The following LRRC37B variants were observed in gnomAD, a reference collection of about 807,000 sequenced individuals.
LRRC37B encodes the protein leucine-rich repeat-containing protein 37B.
LRRC37B carries 28 observed loss-of-function variants against 98.3 expected under a neutral mutation model. The observed-to-expected ratio is 0.28, with a 90% CI of 0.21 to 0.39. The LOEUF is 0.39. Among genes scored for constraint, LRRC37B ranks in the 10% least tolerant of loss-of-function variants. The pLI is 1.00. For missense variants in LRRC37B, 938 were observed against 1,182.7 expected, an observed-to-expected ratio of 0.79 and a Z score of 3.03; for synonymous variants, 364 against 442.7, an observed-to-expected ratio of 0.82 and a Z score of 2.23.
intron 5 of LRRC37B, chr17:32,034,077 G>A (rs2142250591): frequency 6.6e-6 from 1 of 152,292 alleles, no homozygotes; most frequent in South Asian, 2.1e-4. Context: ...TATGTGATGG[G>A]AGTATGGTTT....
At chr17:32,042,860 A>G (rs775559833) in intron 7 of LRRC37B, 1 of 152,148 alleles carries the variant, frequency 6.6e-6, no homozygotes, top group Non-Finnish European at 1.5e-5. Context: ...TCATGAACAC[A>G]AAATGCAATG....
intron 1 of LRRC37B, among the ~76,000 whole-genome samples, chr17:32,008,886 A>G (rs940588359): frequency 4.6e-5 from 7 of 152,362 alleles, no homozygotes; most frequent in African/African-American, 1.7e-4. Context: ...TTTGGCAGCT[A>G]TGAATAAAGC....
intron 1 of LRRC37B, among the ~76,000 whole-genome samples, chr17:32,024,134 G>T (rs1910879348): frequency 1.3e-5 from 2 of 151,390 alleles, no homozygotes; most frequent in African/African-American, 4.9e-5. Context: ...GATTATTTTA[G>T]AATCCATATG....
Position 32,024,799 on chromosome 17 carries a change from C to T in LRRC37B, c.1832+17C>T, listed in dbSNP as rs772790797. 2 of 1,597,788 alleles carry T rather than the reference C, an allele frequency of 1.3e-6. No individual in the cohort carries two copies. The highest frequency in any genetic ancestry group is 1.7e-6 in the Non-Finnish European group (2 of 1,172,868). On this transcript the variant is annotated intron_variant, in intron 2 of 11. Coordinates refer to ENST00000327564, the Ensembl canonical transcript of LRRC37B. Reference sequence around the variant, plus strand: ...CGAGAAACTGTGAGTATATTCTCTCCAAATATGACAAAAAACTAACTGCAT... The same window carrying T: ...CGAGAAACTGTGAGTATATTCTCTCTAAATATGACAAAAAACTAACTGCAT...
At chr17:32,011,876 T>TA in intron 1 of LRRC37B, among the ~76,000 whole-genome samples, 1 of 152,378 alleles carries the variant, frequency 6.6e-6, no homozygotes, top group East Asian at 1.9e-4. Context: ...CACAATATAG[T>TA]AAAATTTCTA....
intron 1 of LRRC37B, among the ~76,000 whole-genome samples, chr17:32,013,182 A>G (rs1910574473): frequency 6.6e-6 from 1 of 152,110 alleles, no homozygotes; most frequent in Non-Finnish European, 1.5e-5. Flanking sequence ...TTCAATTTAT[A>G]AAAATAGAGA....
chr17:32,033,400 A>G (rs1911163195), intron 5 of LRRC37B, among the ~76,000 whole-genome samples: 1 of 151,940 alleles, frequency 6.6e-6, no homozygotes, highest in African/African-American at 2.4e-5. Flanking sequence ...AGAAAGAGAA[A>G]GAAAGAAAGA....
At chr17:32,035,417 T>G in intron 6 of LRRC37B, 148 bp from the exon 10 acceptor site, 1 of 824,904 alleles carries the variant, frequency 1.2e-6, no homozygotes, top group Non-Finnish European at 1.9e-6. Flanking sequence ...ATAAGATCTC[T>G]CTGGAATTTT....
At chr17:32,053,081 C>T (rs908133327) in intron 11 of LRRC37B, 185 bp from the exon 15 acceptor site, 2 of 604,496 alleles carry the variant, frequency 3.3e-6, no homozygotes, top group Admixed American at 3.5e-5. Context: ...CAGTCCTCTG[C>T]AAGGTAGCAA....
At chr17:32,020,073 G>C (rs576047494), upstream of LRRC37B, among the ~76,000 whole-genome samples, 25 of 152,248 alleles carry the variant, frequency 1.6e-4, no homozygotes, top group African/African-American at 5.5e-4. Context: ...TGGAACTTCT[G>C]ACCTCAGTGA....
intron 7 of LRRC37B, among the ~76,000 whole-genome samples, chr17:32,043,945 G>A (rs1376048347): frequency 2.0e-5 from 3 of 151,436 alleles, no homozygotes; most frequent in African/African-American, 7.3e-5. Context: ...GTGTGTGCCA[G>A]ACATTTTTCA....
chr17:32,035,546 T>C lies in LRRC37B; in HGVS notation c.2130-19T>C. The C allele has an allele frequency of 6.2e-7, 1 of 1,605,444 alleles. No individual in the cohort carries two copies. Among genetic ancestry groups the C allele is most frequent in the Non-Finnish European group, 8.5e-7 (1 of 1,174,078 alleles). On this transcript the variant is annotated intron_variant, in intron 6 of 11. Coordinates refer to ENST00000327564, the Ensembl canonical transcript of LRRC37B. ...TTGTAATGGGTTCATATCATGAATG[T>C]TTCGGCTTTCTTCTTCAGAGACATG...
chr17:32,024,584 T>C (rs1448790947), intron 1 of LRRC37B, 127 bp from the exon 5 acceptor site: 10 of 1,537,546 alleles, frequency 6.5e-6, no homozygotes, highest in Non-Finnish European at 9.0e-6. Context: ...CTGATAGCTC[T>C]GGAAATGAGA....
At chr17:32,038,660 C>A (rs1473966697) in intron 7 of LRRC37B, among the ~76,000 whole-genome samples, 1 of 152,046 alleles carries the variant, frequency 6.6e-6, no homozygotes, top group Non-Finnish European at 1.5e-5. Flanking sequence ...AGTTCGAGAC[C>A]ATCCTGGCCA....
intron 8 of LRRC37B, among the ~76,000 whole-genome samples, chr17:32,046,785 G>A (rs181378787): frequency 6.6e-5 from 10 of 151,828 alleles, no homozygotes; most frequent in Admixed American, 1.3e-4. Flanking sequence ...CTCCTTTCTC[G>A]CAATCTTTAC....
At chr17:32,023,802 T>C (rs909055765) in intron 1 of LRRC37B, among the ~76,000 whole-genome samples, 2 of 152,216 alleles carry the variant, frequency 1.3e-5, no homozygotes, top group African/African-American at 4.8e-5. Context: ...GGACCAAGTA[T>C]GCTATTGTCC....
chr17:32,019,914 C>G (rs142618218), upstream of LRRC37B, among the ~76,000 whole-genome samples: 327 of 152,232 alleles, frequency 2.1e-3, 1 homozygote, highest in African/African-American at 7.2e-3. Context: ...GGCAATGTTG[C>G]GATCTCGGCT....
chr17:32,023,231 C>A (rs1432332839), intron 1 of LRRC37B, among the ~76,000 whole-genome samples: 3 of 151,432 alleles, frequency 2.0e-5, no homozygotes, highest in African/African-American at 4.9e-5. Context: ...AAGTGATTCT[C>A]CTGCCTCAGC....
chr17:32,032,288 C>T (rs1480175300), intron 5 of LRRC37B, among the ~76,000 whole-genome samples: 1 of 151,572 alleles, frequency 6.6e-6, no homozygotes, highest in Non-Finnish European at 1.5e-5. Flanking sequence ...GTGATCTGCC[C>T]ACCTTAGCCT....
Sources: allele counts gnomAD v4.1 joint callset (sites outside exome capture counted in the v4.1 genomes callset), GRCh38; gene constraint gnomAD v4.1.1; transcripts MANE v1.5; gene names NCBI Gene and HGNC (gene_info 2026-07-23, HGNC 2026-07-21).